The following RCC1L variants were observed in gnomAD, a reference collection of about 807,000 sequenced individuals.
The protein encoded by RCC1L is RCC1 like, also known as RCC1-like G exchanging factor-like protein.
RCC1L carries 46 observed loss-of-function variants against 58.6 expected under a neutral mutation model. The ratio of observed to expected loss-of-function variants is 0.79; its 90% CI spans 0.62 to 1.00. RCC1L has a LOEUF of 1.00. RCC1L is among the 50% of genes least tolerant of loss of function. The pLI, the probability that RCC1L is intolerant of heterozygous loss-of-function variation, is 0.00. For missense variants in RCC1L, 636 were observed against 623.6 expected, an observed-to-expected ratio of 1.02 and a Z score of -0.21; for synonymous variants, 281 against 262.9, an observed-to-expected ratio of 1.07 and a Z score of -0.67.
intron 8 of RCC1L, 121 bp downstream of exon 8, chr7:75,057,408 C>T (rs1033036459): frequency 4.0e-5 from 38 of 960,902 alleles, no homozygotes; most frequent in African/African-American, 9.7e-5. Flanking sequence ...TGAGCCACCG[C>T]GCCCAGCCAT....
chr7:75,043,591 C>A (rs1464702378), intron 10 of RCC1L, among the ~76,000 whole-genome samples: 2 of 152,236 alleles, frequency 1.3e-5, no homozygotes, highest in African/African-American at 4.8e-5. Flanking sequence ...GGGCTGGGCG[C>A]TGTAGCTCAC....
chr7:75,066,122 G>A (rs1305705307), intron 3 of RCC1L, among the ~76,000 whole-genome samples: 2 of 152,024 alleles, frequency 1.3e-5, no homozygotes, highest in Non-Finnish European at 2.9e-5. Flanking sequence ...ATAAATACAT[G>A]TGATTTTCCA....
At chr7:75,055,725 C>T (rs1361328310) in intron 9 of RCC1L, 176 bp downstream of exon 9, 1 of 722,744 alleles carries the variant, frequency 1.4e-6, no homozygotes, top group East Asian at 2.7e-5. Context: ...GAAAACAAGA[C>T]ATTATACAAC....
chr7:75,055,659 C>T (rs1281825738), intron 9 of RCC1L: 14 of 550,620 alleles, frequency 2.5e-5, no homozygotes, highest in East Asian at 2.0e-4. Flanking sequence ...AGAAAATGCA[C>T]GTTCACGTTA....
In RCC1L at chr7:75,032,932, C is replaced by T. The variant is rs1020938592; in HGVS notation, c.1318-4853G>A. On this transcript the variant is annotated intron_variant, in intron 10 of 10. Transcript: ENST00000614461. ...ACTAAAAATATAAAAATTAGTTGGG[C>T]GTGGTGGCGGGTGCCTGTAATCCCA... 6.6e-4 allele frequency among the ~76,000 whole-genome samples: 100 copies of T among 151,296 alleles called. 3 individuals are homozygous for T. Among genetic ancestry groups the T allele is most frequent in the Admixed American group, 3.0e-3 (46 of 15,182 alleles).
chr7:75,032,192 C>T (rs1805321937), intron 10 of RCC1L, among the ~76,000 whole-genome samples: 1 of 152,082 alleles, frequency 6.6e-6, no homozygotes, highest in African/African-American at 2.4e-5. Context: ...GCATCCCCAC[C>T]CAGACCTTGG....
Position 75,058,717 on chromosome 7 carries a change from C to T in RCC1L, c.840G>A (p.Leu280=). ...CAACTTGGATAACGTTCACTCCCGC[C>T]AGGTCTCCACCCAGCTTGGTGGGCG... The part of the protein sequence containing the change: ...TSSPTKLGGD[L]AGVNVIQVAT... Residue 280 remains leucine, a synonymous_variant, in exon 7 of 11, where the codon CTG becomes CTA. Coordinates refer to ENST00000610322, the MANE Select transcript of RCC1L (RefSeq NM_030798.5). 6.2e-7 allele frequency: 1 copy of T among 1,613,970 alleles called. No homozygotes were observed. The highest frequency in any genetic ancestry group is 8.5e-7 in the Non-Finnish European group (1 of 1,179,856).
At chr7:75,061,102 G>A in intron 6 of RCC1L, 105 bp downstream of exon 6, 1 of 940,908 alleles carries the variant, frequency 1.1e-6, no homozygotes, top group Non-Finnish European at 1.8e-6. Context: ...GGTAAGAGCT[G>A]AATTAAGGAA....
downstream of RCC1L, among the ~76,000 whole-genome samples, chr7:75,040,639 A>G (rs1489529000): frequency 6.6e-6 from 1 of 152,072 alleles, no homozygotes; most frequent in African/African-American, 2.4e-5. Context: ...TCTCTAGATC[A>G]ATACGTGAGT....
chr7:75,042,040 T>C, downstream of RCC1L: 2 of 459,180 alleles, frequency 4.4e-6, no homozygotes, highest in Non-Finnish European at 2.9e-6. Flanking sequence ...TAGCAAGACC[T>C]TGTCTCTATA....
At chr7:75,062,103 G>A (rs587606590) in intron 5 of RCC1L, among the ~76,000 whole-genome samples, 3 of 152,158 alleles carry the variant, frequency 2.0e-5, no homozygotes, top group African/African-American at 2.4e-5. Flanking sequence ...CACGAGAATC[G>A]CTTGAACCCA....
At chr7:75,072,155 CATATACATATATAT>C (rs1393114827) in intron 1 of RCC1L, among the ~76,000 whole-genome samples, 1,411 of 48,136 alleles carry the variant, frequency 0.029, 121 homozygotes, top group Non-Finnish European at 0.043. Flanking sequence ...TATACATATA[CATATACATATATAT>C]ATATATATAT....
At chr7:75,035,702 A>T (rs1805418265) in intron 10 of RCC1L, among the ~76,000 whole-genome samples, 1 of 151,898 alleles carries the variant, frequency 6.6e-6, no homozygotes, top group African/African-American at 2.4e-5. Context: ...ATGTTATATT[A>T]TATATTAAAA....
At chr7:75,058,552 A>G in intron 7 of RCC1L, 36 bp downstream of exon 7, 1 of 1,560,448 alleles carries the variant, frequency 6.4e-7, no homozygotes, top group Non-Finnish European at 8.7e-7. Context: ...TAATGTTTCC[A>G]AACCTCCCAG....
Position 75,055,966 on chromosome 7 carries a change from T to C in RCC1L, c.1166A>G (p.Glu389Gly). 1 of 1,613,960 alleles carries C rather than the reference T, an allele frequency of 6.2e-7. No homozygotes were observed. Among genetic ancestry groups the C allele is most frequent in the South Asian group, 1.1e-5 (1 of 91,078 alleles). The change falls in exon 9 of 11, where the codon GAG becomes GGG. Residue 389 changes from glutamate (E) to glycine (G), a missense_variant. Physicochemically the swap from Glu to Gly is moderately conservative, Grantham distance 98. Coordinates refer to ENST00000610322, the MANE Select transcript of RCC1L (RefSeq NM_030798.5). The part of the protein sequence containing the change: ...MIPPTLFGLT[E>G]FNPEIQVSRI... ...GGAAACCTGGATTTCTGGGTTGAAC[T>C]CCGTCAAGCCAAAGAGAGTGGGTGG...
At position 75,073,393 on chromosome 7, in the gene RCC1L, G is replaced by A. The variant is rs868922524; in HGVS notation, c.324+21C>T. The A allele has an allele frequency of 4.5e-5, 49 of 1,086,110 alleles. 1 individual carries two copies. In the Middle Eastern group the frequency reaches 1.6e-3, roughly 35 times the overall value. 67.3% of individuals were successfully genotyped at this position (1,086,110 alleles called of 1,614,324 possible). A position where few individuals can be genotyped will look rare whatever the true frequency, so the allele number is the denominator to read the frequency against. ...GCGCGGAAGAGAGAGAAGGAGAGAA[G>A]GAGGAAGCCGCGGCCTGCACCTTTT... On this transcript the variant is annotated intron_variant, in intron 1 of 10. Transcript: ENST00000610322.
chr7:75,047,142 G>C (rs1294310445), intron 10 of RCC1L, among the ~76,000 whole-genome samples: 1 of 151,856 alleles, frequency 6.6e-6, no homozygotes, highest in East Asian at 1.9e-4. Flanking sequence ...ATTTTTAGTG[G>C]AGACAGGGTT....
At chr7:75,072,490 T>C (rs1326758055) in intron 1 of RCC1L, among the ~76,000 whole-genome samples, 1 of 152,016 alleles carries the variant, frequency 6.6e-6, no homozygotes, top group African/African-American at 2.4e-5. Flanking sequence ...CACTACACCG[T>C]TACGTACTCA....
At chr7:75,049,486 T>A (rs1158762984) in intron 10 of RCC1L, among the ~76,000 whole-genome samples, 1 of 145,754 alleles carries the variant, frequency 6.9e-6, no homozygotes, top group African/African-American at 2.5e-5. Flanking sequence ...CCCCGTCTCT[T>A]AAAAAAAAAA....
Sources: gnomAD v4.1 joint callset for allele counts (sites outside exome capture counted in the v4.1 genomes callset) on GRCh38, gnomAD v4.1.1 for gene constraint, MANE v1.5 for transcripts, NCBI Gene and HGNC (gene_info 2026-07-23, HGNC 2026-07-21) for gene names.